Variants in ATAD1 observed in about 807,000 individuals in gnomAD.
ATAD1 encodes the protein outer mitochondrial transmembrane helix translocase.
A neutral mutation model predicts 42.7 loss-of-function variants in ATAD1; 18 were observed. The ratio of observed to expected loss-of-function variants is 0.42; its 90% CI spans 0.29 to 0.63. The LOEUF (loss-of-function observed/expected upper bound fraction) is 0.63. ATAD1 is among the 20% of genes least tolerant of loss of function. The pLI is 0.19. For synonymous variants in ATAD1, 132 were observed against 143.1 expected, an observed-to-expected ratio of 0.92 and a Z score of 0.55; for missense variants, 294 against 440.4, an observed-to-expected ratio of 0.67 and a Z score of 2.98.
intron 1 of ATAD1, among the ~76,000 whole-genome samples, chr10:87,829,234 A>ATTAT (rs71022510): frequency 0.36 from 51,912 of 142,630 alleles, 10,074 homozygotes; most frequent in Non-Finnish European, 0.43. Flanking sequence ...TATTTTATTT[A>ATTAT]TTATTTATTT....
At chr10:87,796,843 A>G (rs910406454) in intron 2 of ATAD1, among the ~76,000 whole-genome samples, 15 of 152,142 alleles carry the variant, frequency 9.9e-5, no homozygotes, top group African/African-American at 3.6e-4. Flanking sequence ...CCTCCAGATA[A>G]CACCTGATCT....
At chr10:87,805,359 ACTT>A (rs1434296332) in intron 2 of ATAD1, among the ~76,000 whole-genome samples, 1 of 152,164 alleles carries the variant, frequency 6.6e-6, no homozygotes. Flanking sequence ...AAATCCTTAC[ACTT>A]CTTGTTATAC....
chr10:87,816,191 A>G (rs984667665), intron 1 of ATAD1, among the ~76,000 whole-genome samples: 3 of 152,132 alleles, frequency 2.0e-5, no homozygotes, highest in Non-Finnish European at 2.9e-5. Context: ...CACACACAAA[A>G]CAGACGTTTA....
At chr10:87,814,670 GACTA>G in intron 1 of ATAD1, 58 bp from the exon 2 acceptor site, 1 of 1,273,138 alleles carries the variant, frequency 7.9e-7, no homozygotes, top group Non-Finnish European at 1.0e-6. Flanking sequence ...AAAATTGTAA[GACTA>G]ACAAAGTAGC....
chr10:87,766,812 A>G (rs988417842), intron 8 of ATAD1, among the ~76,000 whole-genome samples: 1 of 150,472 alleles, frequency 6.6e-6, no homozygotes, highest in Non-Finnish European at 1.5e-5. Context: ...CTCTGCTTCA[A>G]AAAAAAAAGA....
At chr10:87,760,821 T>C (rs920537796) in intron 8 of ATAD1, among the ~76,000 whole-genome samples, 2 of 152,188 alleles carry the variant, frequency 1.3e-5, no homozygotes, top group African/African-American at 2.4e-5. Context: ...TCAGTTTGTA[T>C]AGGGAAAAAA....
rs1855003669 is a variant in ATAD1, at chr10:87,770,981, T to G, written c.751A>C (p.Met251Leu). The stretch of plus-strand genomic sequence containing the variant: ...TGGTTGATATGAAATCTTGTAGGCA[T>G]TCTTCTCATTATAGCCGAGTCAAGG... ...QDLDSAIMRR[M>L]PTRFHINQPA... Residue 251 changes from methionine (M) to leucine (L), a missense_variant, in exon 7 of 10, where the codon ATG (methionine) becomes CTG (leucine). By Grantham distance (15) the Met-to-Leu change is conservative. This residue lies in a region of ATAD1 where 142 missense variants were observed against 174.6 expected (regional missense o/e 0.81). Coordinates refer to ENST00000680024, the MANE Select transcript of ATAD1 (RefSeq NM_001321967.2). 2.5e-6 allele frequency: 4 copies of G among 1,613,554 alleles called. No homozygotes were observed. In the East Asian group the frequency reaches 6.7e-5, roughly 27 times the overall value.
At chr10:87,793,993 G>C (rs1329707568) in intron 2 of ATAD1, among the ~76,000 whole-genome samples, 1 of 152,008 alleles carries the variant, frequency 6.6e-6, no homozygotes, top group East Asian at 1.9e-4. Context: ...GGAAGGCTGA[G>C]TTGGGAGGAT....
intron 5 of ATAD1, among the ~76,000 whole-genome samples, chr10:87,779,460 T>C (rs772149704): frequency 3.3e-5 from 5 of 152,128 alleles, no homozygotes; most frequent in African/African-American, 1.2e-4. Context: ...AAAAGAACTC[T>C]TAAAGTTCAA....
At chr10:87,780,178 T>C (rs1384201867) in intron 5 of ATAD1, among the ~76,000 whole-genome samples, 5 of 152,114 alleles carry the variant, frequency 3.3e-5, no homozygotes, top group Non-Finnish European at 7.4e-5. Context: ...GAAACTTAAA[T>C]GCATATTGCT....
At chr10:87,811,599 A>G (rs1473175993) in intron 2 of ATAD1, among the ~76,000 whole-genome samples, 1 of 152,216 alleles carries the variant, frequency 6.6e-6, no homozygotes, top group Non-Finnish European at 1.5e-5. Context: ...TGACAATTAC[A>G]TTAGAATTTC....
intron 5 of ATAD1, among the ~76,000 whole-genome samples, chr10:87,778,407 A>G (rs910744813): frequency 6.6e-6 from 1 of 152,256 alleles, no homozygotes; most frequent in African/African-American, 2.4e-5. Flanking sequence ...GATGCTGAGG[A>G]CCAGAAGTGT....
intron 2 of ATAD1, among the ~76,000 whole-genome samples, chr10:87,813,980 T>C (rs141770567): frequency 6.6e-6 from 1 of 152,218 alleles, no homozygotes; most frequent in African/African-American, 2.4e-5. Flanking sequence ...CTACAGCTTA[T>C]ATTAATAATC....
Position 87,756,831 on chromosome 10 carries a change from A to G in ATAD1, c.923T>C (p.Leu308Pro), listed in dbSNP as rs1202827941. 6.2e-7 allele frequency: 1 copy of G among 1,612,522 alleles called. No individual in the cohort carries two copies. The highest frequency in any genetic ancestry group is 8.5e-7 in the Non-Finnish European group (1 of 1,179,290). ...DLKEMCRDAA[L>P]LCVREYVNST... ...ATTAACATATTCTCTAACACAGAGGAGGGCAGCATCTCGACACATCTCTTT... is the reference window on the plus strand; with the variant it reads ...ATTAACATATTCTCTAACACAGAGGGGGGCAGCATCTCGACACATCTCTTT... The change falls in exon 9 of 10, where the codon CTC (leucine) becomes CCC (proline). Residue 308 changes from leucine to proline, a missense_variant. Physicochemically the swap from Leu to Pro is moderately conservative, Grantham distance 98. Around this residue, in one of 3 missense-constraint regions of ATAD1, gnomAD observed 142 missense variants for 174.6 expected, o/e 0.81. Coordinates refer to ENST00000680024, the MANE Select transcript of ATAD1 (RefSeq NM_001321967.2).
At position 87,784,564 on chromosome 10, in the gene ATAD1, G is replaced by A. The variant is rs532729342; in HGVS notation, c.489C>T (p.Thr163=). The change falls in exon 5 of 10, where the codon ACC becomes ACT. Residue 163 remains threonine (T), a synonymous_variant. Transcript: ENST00000680024. ...TCTGAGATTCTCCATACCACTTATC[G>A]GTCAGTGTCGAAGGCTGAAGGTTAA... ...RFINLQPSTL[T]DKWYGESQKL... is the part of the protein sequence containing the mutation. 8.7e-6 allele frequency: 14 copies of A among 1,613,640 alleles called. No homozygotes were observed. The highest frequency in any genetic ancestry group is 8.0e-5 in the African/African-American group (6 of 75,000).
At chr10:87,785,309 G>A (rs1302047972) in intron 4 of ATAD1, among the ~76,000 whole-genome samples, 1 of 151,088 alleles carries the variant, frequency 6.6e-6, no homozygotes, top group Admixed American at 6.6e-5. Context: ...GAACATTTTG[G>A]GAACCACCAC....
In ATAD1 at chr10:87,818,173, G is replaced by T. The variant is rs546096954; in HGVS notation, c.-20C>A. 1.0e-6 allele frequency: 1 copy of T among 985,664 alleles called. No individual in the cohort carries two copies. Among genetic ancestry groups the T allele is most frequent in the African/African-American group, 1.7e-5 (1 of 57,374 alleles). The allele number at this position is 985,664 out of a possible 1,614,324, so 61.1% of individuals were successfully genotyped here. ...ACGGGAACCAGCTACTCACCCAGGG[G>T]CAGAAACAGCAAGAGCAAGTGCCCT... is the stretch of plus-strand genomic sequence containing the variant. On this transcript the variant is annotated 5_prime_UTR_variant, in exon 1 of 10. Transcript: ENST00000680024.
chr10:87,805,933 T>C (rs961217323), intron 2 of ATAD1, among the ~76,000 whole-genome samples: 1 of 152,136 alleles, frequency 6.6e-6, no homozygotes, highest in African/African-American at 2.4e-5. Context: ...CTTCTTCTCC[T>C]TGACCATTCT....
chr10:87,816,335 C>T (rs1346142090), intron 1 of ATAD1, among the ~76,000 whole-genome samples: 5 of 152,146 alleles, frequency 3.3e-5, no homozygotes, highest in Non-Finnish European at 5.9e-5. Flanking sequence ...CATTTCTCCA[C>T]TAGGAGCCAT....
Sources: gnomAD v4.1 joint callset for allele counts (sites outside exome capture counted in the v4.1 genomes callset) on GRCh38, gnomAD v4.1.1 for gene constraint, gnomAD v4.1.1 regional missense constraint, MANE v1.5 for transcripts, NCBI Gene and HGNC (gene_info 2026-07-23, HGNC 2026-07-21) for gene names.